The following CRAMP1 variants were observed in gnomAD, a reference collection of about 807,000 sequenced individuals.
The protein encoded by CRAMP1 is protein cramped-like.
In CRAMP1, 50 loss-of-function variants were observed where a neutral mutation model predicts 115.4. The ratio of observed to expected loss-of-function variants is 0.43; its 90% CI spans 0.35 to 0.55. The LOEUF (loss-of-function observed/expected upper bound fraction) is 0.55. Among genes scored for constraint, CRAMP1 ranks in the 20% least tolerant of loss-of-function variants. The pLI is 0.01. For synonymous variants in CRAMP1, 866 were observed against 745.4 expected (o/e 1.16, Z -2.64); for missense variants, 1,679 against 1,721.7 (o/e 0.98, Z 0.44).
chr16:1,622,291 T>G (rs947724057), intron 2 of CRAMP1, among the ~76,000 whole-genome samples: 1 of 152,154 alleles, frequency 6.6e-6, no homozygotes, highest in Non-Finnish European at 1.5e-5. Context: ...GGCGGGAGGA[T>G]TATCTGAGTT....
intron 6 of CRAMP1, among the ~76,000 whole-genome samples, chr16:1,643,465 C>T (rs531135908): frequency 4.9e-4 from 74 of 151,988 alleles, no homozygotes; most frequent in Non-Finnish European, 8.2e-4. Flanking sequence ...CGCTTGAACC[C>T]GAGAGGCGGA....
intron 6 of CRAMP1, among the ~76,000 whole-genome samples, chr16:1,651,904 G>A (rs929257892): frequency 1.3e-5 from 2 of 151,456 alleles, no homozygotes; most frequent in Non-Finnish European, 2.9e-5. Context: ...GTCACATGGA[G>A]GTCACGGGGA....
At chr16:1,619,699 C>T (rs1020536214) in intron 2 of CRAMP1, among the ~76,000 whole-genome samples, 5 of 152,188 alleles carry the variant, frequency 3.3e-5, no homozygotes, top group African/African-American at 4.8e-5. Flanking sequence ...GGAGAATCTT[C>T]AAGAGAGACA....
Position 1,655,298 on chromosome 16 carries a change from GTTGTATCCTT to G in CRAMP1, c.1119+1_1119+10del. 6.2e-7 allele frequency: 1 copy of G among 1,613,676 alleles called. No individual in the cohort carries two copies. The highest frequency in any genetic ancestry group is 8.5e-7 in the Non-Finnish European group (1 of 1,179,554). On this transcript the variant is annotated splice_donor_variant and splice_donor_5th_base_variant and coding_sequence_variant and intron_variant, in exon 9 of 21. Transcript: ENST00000397412. LOFTEE classifies it high-confidence loss of function. ...GAAGTGGGCGCTCCATGAGGTGCGA[GTTGTATCCTT>G]TTCCAGCTAAAGCAAACCATCCAGG...
At chr16:1,660,152 G>A (rs1446444021) in intron 11 of CRAMP1, 89 bp downstream of exon 11, 1 of 1,205,886 alleles carries the variant, frequency 8.3e-7, no homozygotes, top group Non-Finnish European at 1.1e-6. Flanking sequence ...GAGAGCACAG[G>A]TGTGCCTGAG....
intron 16 of CRAMP1, 79 bp from the exon 17 acceptor site, chr16:1,667,239 ATGGAACGCCTCTTTTTC>A (rs1284460519): frequency 1.1e-6 from 1 of 935,836 alleles, no homozygotes; most frequent in African/African-American, 1.6e-5. Context: ...GGCCAGGGGG[ATGGAACGCCTCTTTTTC>A]TGGAACTCTG....
intron 6 of CRAMP1, among the ~76,000 whole-genome samples, chr16:1,645,812 G>A (rs1011734869): frequency 2.0e-5 from 3 of 152,136 alleles, no homozygotes; most frequent in African/African-American, 4.8e-5. Context: ...CCTGGGCTTA[G>A]TTTTGTAGAT....
Position 1,637,832 on chromosome 16 carries a change from C to G in CRAMP1, c.703C>G (p.Arg235Gly), listed in dbSNP as rs765227718. The change falls in exon 5 of 21, where the codon CGA (arginine) becomes GGA (glycine). Residue 235 changes from arginine to glycine, a missense_variant. Arg to Gly is a moderately radical substitution (Grantham distance 125). Around this residue, in one of 8 missense-constraint regions of CRAMP1, gnomAD observed 42 missense variants for 42.3 expected, o/e 0.99. Transcript: ENST00000397412. ...KYIDFDHVFS[R>G]GLKKSSQELY... is the part of the protein sequence containing the mutation. ...TCTCTTCTGTTTCTCAGTGTTCTCT[C>G]GAGGCCTGAAGAAGTCATCCCAGGA... The G allele has an allele frequency of 1.3e-6, 2 of 1,539,444 alleles. No individual in the cohort carries two copies. The highest frequency in any genetic ancestry group is 2.1e-5 in the Admixed American group (1 of 47,854).
chr16:1,666,297 AC>A lies in CRAMP1; in HGVS notation c.2857+121del. The A allele has an allele frequency of 8.5e-7, 1 of 1,180,238 alleles. No homozygotes were observed. 73.1% of individuals were successfully genotyped at this position (1,180,238 alleles called of 1,614,324 possible). A position where few individuals can be genotyped will look rare whatever the true frequency, so the allele number is the denominator to read the frequency against. On this transcript the variant is annotated intron_variant, in intron 15 of 20. Coordinates refer to ENST00000397412, the MANE Select transcript of CRAMP1 (RefSeq NM_020825.4). This position sits in a 1 kb window ranked among gnomAD's most constrained non-coding sequence, Gnocchi z 5.0. ...AATGTCTCATTACCCTTCACCAAGA[AC>A]ATCTAAGCCCTTGGCTCTTGCATTG...
intron 11 of CRAMP1, 51 bp downstream of exon 11, chr16:1,660,114 C>T (rs2036815634): frequency 1.4e-6 from 2 of 1,431,992 alleles, no homozygotes; most frequent in Non-Finnish European, 1.8e-6. Flanking sequence ...CTGATGGCAC[C>T]TCAGGCTTCA....
At position 1,637,836 on chromosome 16, in the gene CRAMP1, G is replaced by T; in HGVS notation, c.707G>T (p.Gly236Val). Residue 236 changes from glycine (G) to valine (V), a missense_variant, in exon 5 of 21, where the codon GGC (glycine) becomes GTC (valine). Around this residue, in one of 8 missense-constraint regions of CRAMP1, gnomAD observed 42 missense variants for 42.3 expected, o/e 0.99. Coordinates refer to ENST00000397412, the MANE Select transcript of CRAMP1 (RefSeq NM_020825.4). ...TTCTGTTTCTCAGTGTTCTCTCGAG[G>T]CCTGAAGAAGTCATCCCAGGAACTG... ...YIDFDHVFSR[G>V]LKKSSQELYG... is the part of the protein sequence containing the mutation. 6.5e-7 allele frequency: 1 copy of T among 1,549,340 alleles called. No homozygotes were observed. Among genetic ancestry groups the T allele is most frequent in the Admixed American group, 2.0e-5 (1 of 49,182 alleles).
chr16:1,652,791 G>C (rs1435990296), intron 7 of CRAMP1, among the ~76,000 whole-genome samples: 1 of 152,248 alleles, frequency 6.6e-6, no homozygotes, highest in African/African-American at 2.4e-5. Flanking sequence ...GCAGTCAGCA[G>C]AGTGGTCGGA....
Position 1,666,127 on chromosome 16 carries a change from G to A in CRAMP1, c.2807G>A (p.Arg936Gln), listed in dbSNP as rs764373660. 1.9e-6 allele frequency: 3 copies of A among 1,611,724 alleles called. No individual in the cohort carries two copies. The highest frequency in any genetic ancestry group is 3.3e-5 in the Admixed American group (2 of 59,796). Residue 936 changes from arginine (R) to glutamine (Q), a missense_variant, in exon 15 of 21, where the codon CGG (arginine) becomes CAG (glutamine). Arg to Gln is a conservative substitution (Grantham distance 43). Around this residue, in one of 8 missense-constraint regions of CRAMP1, gnomAD observed 709 missense variants for 741.9 expected, o/e 0.96. Transcript: ENST00000397412. This position sits in a 1 kb window ranked among gnomAD's most constrained non-coding sequence, Gnocchi z 5.0. ...QSSLTKAALSRPIVPKVLPPQ... is the reference protein window; with the variant it reads ...QSSLTKAALSQPIVPKVLPPQ... ...TCTCTGACCAAAGCAGCTCTGTCTC[G>A]GCCGATCGTGCCCAAGGTCCTTCCA...
At chr16:1,621,081 C>T (rs1311533998) in intron 2 of CRAMP1, among the ~76,000 whole-genome samples, 2 of 152,196 alleles carry the variant, frequency 1.3e-5, no homozygotes, top group African/African-American at 4.8e-5. Context: ...ACTTCCAGGC[C>T]TGCTGGGCAC....
In CRAMP1 at chr16:1,662,761, A is replaced by T; in HGVS notation, c.2596A>T (p.Met866Leu). 1 of 1,613,878 alleles carries T rather than the reference A, an allele frequency of 6.2e-7. No homozygotes were observed. The highest frequency in any genetic ancestry group is 1.1e-5 in the South Asian group (1 of 91,082). The change falls in exon 13 of 21, where the codon ATG becomes TTG. Residue 866 changes from methionine to leucine, a missense_variant and splice_region_variant. Physicochemically the swap from Met to Leu is conservative, Grantham distance 15 (BLOSUM62 2). Around this residue, in one of 8 missense-constraint regions of CRAMP1, gnomAD observed 709 missense variants for 741.9 expected, o/e 0.96. Coordinates refer to ENST00000397412, the MANE Select transcript of CRAMP1 (RefSeq NM_020825.4). ...TFRQHLNSIS[M>L]QSDFFLPKPR... ...GGTGCCGGACGCTGCTCCCTTACAG[A>T]TGCAGTCGGATTTCTTCCTGCCAAA...
At chr16:1,658,241 G>C (rs936579755) in intron 10 of CRAMP1, among the ~76,000 whole-genome samples, 1 of 152,112 alleles carries the variant, frequency 6.6e-6, no homozygotes, top group Admixed American at 6.5e-5. Flanking sequence ...CCAACCCTCA[G>C]GCACCTCTGA....
At chr16:1,639,333 G>T (rs775540431) in intron 5 of CRAMP1, among the ~76,000 whole-genome samples, 1 of 151,954 alleles carries the variant, frequency 6.6e-6, no homozygotes, top group Non-Finnish European at 1.5e-5. Context: ...ACACTCCACA[G>T]GGTGGGAGTG....
intron 3 of CRAMP1, among the ~76,000 whole-genome samples, chr16:1,628,225 G>A (rs953572787): frequency 6.6e-6 from 1 of 152,214 alleles, no homozygotes; most frequent in Admixed American, 6.5e-5. Context: ...GTTTGTATAT[G>A]AGAAAGAGCG....
At chr16:1,629,776 C>T (rs1223594747) in intron 3 of CRAMP1, among the ~76,000 whole-genome samples, 1 of 152,192 alleles carries the variant, frequency 6.6e-6, no homozygotes, top group East Asian at 1.9e-4. Context: ...TCTGCCATTC[C>T]TTTTGAAAAC....
Sources: allele counts gnomAD v4.1 joint callset (sites outside exome capture counted in the v4.1 genomes callset), GRCh38; gene constraint gnomAD v4.1.1; regional missense constraint gnomAD v4.1.1; non-coding constraint Gnocchi (gnomAD v3.1); transcripts MANE v1.5; gene names NCBI Gene and HGNC (gene_info 2026-07-23, HGNC 2026-07-21).